The following TMEM108 variants were observed in gnomAD, a reference collection of about 807,000 sequenced individuals.
The protein encoded by TMEM108 is cancer/testis antigen 124.
Under a neutral mutation model 35.1 loss-of-function variants are expected in TMEM108, and 12 were observed. That is an observed-to-expected ratio of 0.34 (90% CI 0.22 to 0.55). The LOEUF (loss-of-function observed/expected upper bound fraction) is 0.55, where lower values mean the gene tolerates loss of function less well. TMEM108 is among the 20% of genes least tolerant of loss of function. TMEM108 has a pLI of 0.89. For synonymous variants in TMEM108, 287 were observed against 308.6 expected (o/e 0.93, Z 0.73); for missense variants, 680 against 753.3 (o/e 0.90, Z 1.14).
intron 2 of TMEM108, among the ~76,000 whole-genome samples, chr3:133,075,340 G>A (rs769649321): frequency 1.7e-4 from 26 of 152,126 alleles, no homozygotes; most frequent in Non-Finnish European, 3.5e-4. Context: ...CAGTTCTTGG[G>A]GGTTACTGTT....
intron 2 of TMEM108, among the ~76,000 whole-genome samples, chr3:133,174,804 C>A (rs1945186436): frequency 6.6e-6 from 1 of 152,150 alleles, no homozygotes; most frequent in Non-Finnish European, 1.5e-5. Context: ...TCCTCACCAA[C>A]AATGGAACAA....
chr3:133,232,543 T>TAA (rs1421980897), intron 3 of TMEM108, among the ~76,000 whole-genome samples: 3 of 152,182 alleles, frequency 2.0e-5, no homozygotes, highest in Non-Finnish European at 4.4e-5. Flanking sequence ...CAGCCTCAGG[T>TAA]ATTTCTTTAT....
At chr3:133,062,743 C>T (rs145043197) in intron 2 of TMEM108, among the ~76,000 whole-genome samples, 80 of 152,326 alleles carry the variant, frequency 5.3e-4, no homozygotes, top group Non-Finnish European at 9.7e-4. Context: ...GACAACACTT[C>T]TGAGGACTTT....
chr3:133,204,907 A>G (rs550150256), intron 2 of TMEM108, among the ~76,000 whole-genome samples: 1 of 152,176 alleles, frequency 6.6e-6, no homozygotes, highest in Non-Finnish European at 1.5e-5. Context: ...GGGGTGTTAA[A>G]GTCTCCCGCT....
chr3:133,199,687 G>A (rs2887628), intron 2 of TMEM108, among the ~76,000 whole-genome samples: 65,721 of 151,942 alleles, frequency 0.43, 15,130 homozygotes, highest in African/African-American at 0.6. Flanking sequence ...TGAGGTGTCA[G>A]TCGGCCTCTA....
intron 3 of TMEM108, among the ~76,000 whole-genome samples, chr3:133,286,226 C>T (rs575502699): frequency 3.9e-5 from 6 of 152,338 alleles, no homozygotes; most frequent in African/African-American, 1.4e-4. Flanking sequence ...AGTGATAAAA[C>T]TCTCTTCTTC....
chr3:133,071,843 G>A (rs1943679520), intron 2 of TMEM108, among the ~76,000 whole-genome samples: 2 of 152,096 alleles, frequency 1.3e-5, no homozygotes, highest in Non-Finnish European at 1.5e-5. Context: ...AACATTTGAT[G>A]TAGTCCCATT....
intron 3 of TMEM108, among the ~76,000 whole-genome samples, chr3:133,280,403 C>T (rs150892514): frequency 1.3e-5 from 2 of 152,248 alleles, no homozygotes; most frequent in Middle Eastern, 3.4e-3. Context: ...TAATCACAGG[C>T]GGTAGATGTT....
chr3:133,350,397 T>A (rs2071956267), intron 3 of TMEM108, among the ~76,000 whole-genome samples: 1 of 152,006 alleles, frequency 6.6e-6, no homozygotes, highest in Non-Finnish European at 1.5e-5. Flanking sequence ...AGTAAAACAT[T>A]GTGTATTACT....
At position 133,266,193 on chromosome 3, in the gene TMEM108, GT is replaced by G. The variant is rs202143156; in HGVS notation, c.40+36850del. Reference sequence around the variant, plus strand: ...CATCACTTGTGGGGGTTGCTGTTAGGTTTTTTTTGTTGCTGTTGTTTGTTTG... The same window carrying G: ...CATCACTTGTGGGGGTTGCTGTTAGGTTTTTTTGTTGCTGTTGTTTGTTTG... On this transcript the variant is annotated intron_variant, in intron 3 of 5. Coordinates refer to ENST00000321871, the MANE Select transcript of TMEM108 (RefSeq NM_023943.4). Among the ~76,000 whole-genome samples the G allele has an allele frequency of 7.8e-3, 1,185 of 151,394 alleles. 22 individuals carry two copies. Among genetic ancestry groups the G allele is most frequent in the African/African-American group, 0.027 (1,092 of 40,952 alleles).
rs1188984370 is a variant in TMEM108 at position 133,083,180 on chromosome 3, A to AC, written c.-47+37166dup. ...GACATTACTTGGAAAGCCCCCCCCC[A>AC]CCCCCCGCCGCCCCACTCCTCAGCC... On this transcript the variant is annotated intron_variant, in intron 2 of 5. Transcript: ENST00000321871. Among the ~76,000 whole-genome samples, 135 of 109,436 alleles carry AC rather than the reference A, an allele frequency of 1.2e-3. 1 individual carries two copies. The highest frequency in any genetic ancestry group is 1.7e-3 in the South Asian group (5 of 2,884). The allele number at this position is 109,436 out of a possible 152,430, so 71.8% of individuals were successfully genotyped here.
intron 2 of TMEM108, among the ~76,000 whole-genome samples, chr3:133,156,862 C>G (rs1337066894): frequency 1.3e-5 from 2 of 152,110 alleles, no homozygotes; most frequent in Non-Finnish European, 2.9e-5. Flanking sequence ...CATTGTTTTC[C>G]CCTTTTTTTC....
intron 2 of TMEM108, among the ~76,000 whole-genome samples, chr3:133,120,646 A>G (rs1333202408): frequency 7.4e-6 from 1 of 135,644 alleles, no homozygotes; most frequent in Non-Finnish European, 1.6e-5. Flanking sequence ...CACATTTTGA[A>G]TATCTGCGGT....
At chr3:133,151,162 G>A (rs1189193702) in intron 2 of TMEM108, among the ~76,000 whole-genome samples, 11 of 152,018 alleles carry the variant, frequency 7.2e-5, no homozygotes, top group African/African-American at 2.7e-4. Flanking sequence ...TGCTCCTTTA[G>A]CATTGATCCT....
intron 3 of TMEM108, among the ~76,000 whole-genome samples, chr3:133,359,814 G>A (rs2072289550): frequency 6.6e-6 from 1 of 152,122 alleles, no homozygotes; most frequent in Non-Finnish European, 1.5e-5. Flanking sequence ...CTTACCATGT[G>A]TCCCAGAGTT....
intron 2 of TMEM108, among the ~76,000 whole-genome samples, chr3:133,184,034 C>G (rs560475037): frequency 6.6e-6 from 1 of 152,308 alleles, no homozygotes; most frequent in African/African-American, 2.4e-5. Flanking sequence ...CCAGGCAGTA[C>G]AGACAAAAGA....
intron 2 of TMEM108, among the ~76,000 whole-genome samples, chr3:133,112,892 A>AAT (rs1471471462): frequency 6.6e-6 from 1 of 152,226 alleles, no homozygotes; most frequent in Non-Finnish European, 1.5e-5. Context: ...CACAGGATTT[A>AAT]TGGTTAAAAT....
At chr3:133,063,681 A>G (rs1467046401) in intron 2 of TMEM108, among the ~76,000 whole-genome samples, 1 of 152,136 alleles carries the variant, frequency 6.6e-6, no homozygotes, top group African/African-American at 2.4e-5. Flanking sequence ...AAAAGATATG[A>G]TTAAGTTAGT....
At chr3:133,156,339 G>T (rs1944881628) in intron 2 of TMEM108, among the ~76,000 whole-genome samples, 1 of 152,128 alleles carries the variant, frequency 6.6e-6, no homozygotes, top group South Asian at 2.1e-4. Flanking sequence ...ACAGAATTTA[G>T]AGATACCGTA....
Sources: allele counts gnomAD v4.1 joint callset (sites outside exome capture counted in the v4.1 genomes callset), GRCh38; gene constraint gnomAD v4.1.1; transcripts MANE v1.5; gene names NCBI Gene and HGNC (gene_info 2026-07-23, HGNC 2026-07-21).